The following LRP1B variants were observed in gnomAD, a reference collection of about 807,000 sequenced individuals.
LRP1B encodes the protein low-density lipoprotein receptor-related protein 1B.
A neutral mutation model predicts 556.6 loss-of-function variants in LRP1B; 217 were observed. The ratio of observed to expected loss-of-function variants is 0.39; its 90% CI spans 0.35 to 0.44. LRP1B has a LOEUF of 0.44. LRP1B is among the 20% of genes least tolerant of loss of function. LRP1B has a pLI of 1.00. For missense variants in LRP1B, 5,053 were observed against 5,620.8 expected, an observed-to-expected ratio of 0.90 and a Z score of 3.23; for synonymous variants, 2,047 against 1,865.8, an observed-to-expected ratio of 1.10 and a Z score of -2.50.
intron 1 of LRP1B, among the ~76,000 whole-genome samples, chr2:141,928,413 G>T (rs1700395747): frequency 1.3e-5 from 2 of 151,934 alleles, no homozygotes; most frequent in African/African-American, 2.4e-5. Flanking sequence ...CCATTATTTG[G>T]GTCTGTAGGA....
At chr2:140,361,328 G>A in intron 72 of LRP1B, among the ~76,000 whole-genome samples, 1 of 79,412 alleles carries the variant, frequency 1.3e-5, no homozygotes, top group South Asian at 4.8e-4. Context: ...ATTTATCAAT[G>A]CTACTTGGAA....
intron 2 of LRP1B, among the ~76,000 whole-genome samples, chr2:141,699,150 C>T (rs1233567246): frequency 1.3e-5 from 2 of 151,544 alleles, no homozygotes; most frequent in Non-Finnish European, 2.9e-5. Context: ...TTTAAAAAAC[C>T]CAATATTTCC....
intron 3 of LRP1B, among the ~76,000 whole-genome samples, chr2:141,287,148 T>C (rs2105400720): frequency 6.6e-6 from 1 of 152,274 alleles, no homozygotes; most frequent in Admixed American, 6.5e-5. Context: ...AAAACAAATG[T>C]TGGATTTGTT....
intron 43 of LRP1B, among the ~76,000 whole-genome samples, chr2:140,586,343 A>G (rs1016329174): frequency 1.2e-4 from 19 of 152,206 alleles, no homozygotes; most frequent in Non-Finnish European, 2.5e-4. Context: ...AAAAATAAAA[A>G]TAATAATCTG....
intron 85 of LRP1B, among the ~76,000 whole-genome samples, chr2:140,273,369 G>T (rs1441909066): frequency 1.3e-5 from 2 of 151,806 alleles, no homozygotes; most frequent in African/African-American, 4.8e-5. Context: ...CTTATCAAAG[G>T]CACATAGTTA....
At chr2:140,497,763 G>T (rs1689006762) in intron 55 of LRP1B, among the ~76,000 whole-genome samples, 1 of 151,776 alleles carries the variant, frequency 6.6e-6, no homozygotes, top group Admixed American at 6.6e-5. Flanking sequence ...AAATCACTTT[G>T]AATGCCTCAT....
At chr2:140,643,360 G>T (rs541482150) in intron 41 of LRP1B, among the ~76,000 whole-genome samples, 15 of 151,910 alleles carry the variant, frequency 9.9e-5, no homozygotes, top group Admixed American at 3.3e-4. Context: ...CAATAAAAAA[G>T]ATGTATTGAT....
chr2:140,303,461 C>T (rs1020610871), intron 83 of LRP1B, among the ~76,000 whole-genome samples: 3 of 151,772 alleles, frequency 2.0e-5, no homozygotes, highest in African/African-American at 4.8e-5. Context: ...GTTGGCCAGG[C>T]TGGTCTCGAA....
rs56656451 is a variant in LRP1B, at chr2:140,677,876, C to CAA, written c.6799+22372_6799+22373dup. Among the ~76,000 whole-genome samples, 370 of 75,156 alleles carry CAA rather than the reference C, an allele frequency of 4.9e-3. 2 individuals carry two copies. The highest frequency in any genetic ancestry group is 0.027 in the East Asian group (89 of 3,260). 49.3% of individuals were successfully genotyped at this position (75,156 alleles called of 152,430 possible). A position where few individuals can be genotyped will look rare whatever the true frequency, so the allele number is the denominator to read the frequency against. On this transcript the variant is annotated intron_variant, in intron 41 of 90. Transcript: ENST00000389484. ...GGGCAACTAGAGCAAAACTATGTCT[C>CAA]AAAAAAAAAAAAAAAAAAGCCAACA...
chr2:141,976,304 ATGT>A (rs1701884986), intron 1 of LRP1B, among the ~76,000 whole-genome samples: 1 of 152,218 alleles, frequency 6.6e-6, no homozygotes, highest in South Asian at 2.1e-4. Flanking sequence ...AAAAAATTAA[ATGT>A]TGGTTAAAAA....
intron 1 of LRP1B, among the ~76,000 whole-genome samples, chr2:141,970,899 C>T (rs1247317033): frequency 1.3e-5 from 2 of 151,526 alleles, no homozygotes; most frequent in Admixed American, 6.6e-5. Flanking sequence ...TCTTTTTCTG[C>T]TCTCAAAGAT....
chr2:140,534,356 T>C (rs1197964173), intron 46 of LRP1B, among the ~76,000 whole-genome samples: 3 of 152,210 alleles, frequency 2.0e-5, no homozygotes, highest in African/African-American at 7.2e-5. Flanking sequence ...TTAACTTTAG[T>C]GATTCATTCC....
intron 6 of LRP1B, among the ~76,000 whole-genome samples, chr2:141,212,898 G>A (rs1682627381): frequency 6.6e-6 from 1 of 152,140 alleles, no homozygotes; most frequent in African/African-American, 2.4e-5. Context: ...ATAAACAAGA[G>A]TTATGTTGCT....
At chr2:141,460,584 T>C (rs1407594946) in intron 3 of LRP1B, among the ~76,000 whole-genome samples, 1 of 152,140 alleles carries the variant, frequency 6.6e-6, no homozygotes, top group Non-Finnish European at 1.5e-5. Flanking sequence ...ATTCAAGTTT[T>C]TAAAGGACTA....
At chr2:141,179,892 C>CCT (rs1680915884) in intron 7 of LRP1B, among the ~76,000 whole-genome samples, 1 of 126,010 alleles carries the variant, frequency 7.9e-6, no homozygotes, top group African/African-American at 2.9e-5. Context: ...TTGGTTTTTC[C>CCT]TTTTTTTTTT....
chr2:140,795,100 C>T (rs1199485713), intron 32 of LRP1B, among the ~76,000 whole-genome samples: 1 of 152,136 alleles, frequency 6.6e-6, no homozygotes, highest in Non-Finnish European at 1.5e-5. Flanking sequence ...TAGCGGTCCT[C>T]ACCAAGCCAC....
intron 3 of LRP1B, among the ~76,000 whole-genome samples, chr2:141,382,711 A>AAT (rs1274795926): frequency 1.3e-5 from 2 of 152,232 alleles, no homozygotes; most frequent in African/African-American, 4.8e-5. Flanking sequence ...TAGCAAAACA[A>AAT]ATGCAACAAC....
intron 21 of LRP1B, among the ~76,000 whole-genome samples, chr2:140,920,957 T>C (rs1406714578): frequency 6.6e-6 from 1 of 152,040 alleles, no homozygotes; most frequent in Non-Finnish European, 1.5e-5. Context: ...TTCCTCATCA[T>C]ACTTCAGATT....
At chr2:142,057,136 C>T (rs1016670182) in intron 1 of LRP1B, among the ~76,000 whole-genome samples, 9 of 152,062 alleles carry the variant, frequency 5.9e-5, no homozygotes, top group East Asian at 5.8e-4. Context: ...CAAACATCAC[C>T]GCTTCATTTT....
Sources: allele counts gnomAD v4.1 joint callset (sites outside exome capture counted in the v4.1 genomes callset), GRCh38; gene constraint gnomAD v4.1.1; transcripts MANE v1.5; gene names NCBI Gene and HGNC (gene_info 2026-07-23, HGNC 2026-07-21).